MYO3B: variants seen among roughly 807,000 people sequenced by gnomAD.
The protein encoded by MYO3B is myosin-IIIb.
In MYO3B, 156 loss-of-function variants were observed where a neutral mutation model predicts 174.6. The observed-to-expected ratio is 0.89, with a 90% CI of 0.78 to 1.02. The LOEUF (loss-of-function observed/expected upper bound fraction) is 1.02. Among genes scored for constraint, MYO3B ranks in the 50% least tolerant of loss-of-function variants. The probability of loss-of-function intolerance (pLI) is 0.00; values close to 1 mark genes in which losing one functional copy is unlikely to be tolerated. For synonymous variants in MYO3B, 563 were observed against 569.1 expected (o/e 0.99, Z 0.15); for missense variants, 1,632 against 1,639.4 (o/e 1.00, Z 0.08).
chr2:170,406,521 T>G (rs2105811163), intron 21 of MYO3B, among the ~76,000 whole-genome samples: 1 of 152,292 alleles, frequency 6.6e-6, no homozygotes, highest in South Asian at 2.1e-4. Context: ...GTTTTTGCCC[T>G]TAAATATTTT....
chr2:170,514,749 T>C (rs927720914), intron 28 of MYO3B, among the ~76,000 whole-genome samples, 172 bp from the exon 29 acceptor site: 1 of 152,218 alleles, frequency 6.6e-6, no homozygotes, highest in African/African-American at 2.4e-5. Flanking sequence ...TCAACTACAC[T>C]GTATTAAATC....
intron 7 of MYO3B, among the ~76,000 whole-genome samples, chr2:170,282,114 A>G (rs1212530577): frequency 2.0e-5 from 3 of 151,926 alleles, no homozygotes; most frequent in Admixed American, 6.6e-5. Context: ...ATATCTTCCC[A>G]TTTGTCTACT....
chr2:170,184,039 TTTATG>T (rs1214800579), intron 1 of MYO3B, among the ~76,000 whole-genome samples: 1 of 152,068 alleles, frequency 6.6e-6, no homozygotes, highest in African/African-American at 2.4e-5. Context: ...TTTCTGTGGT[TTTATG>T]TTTGTTTATT....
intron 32 of MYO3B, among the ~76,000 whole-genome samples, chr2:170,628,348 G>A (rs564436320): frequency 6.6e-6 from 1 of 152,216 alleles, no homozygotes; most frequent in Non-Finnish European, 1.5e-5. Context: ...CTCTGAGCCA[G>A]GCGCAGGATA....
At chr2:170,301,256 G>T (rs1364517950) in intron 7 of MYO3B, among the ~76,000 whole-genome samples, 1 of 152,188 alleles carries the variant, frequency 6.6e-6, no homozygotes, top group East Asian at 1.9e-4. Context: ...CTAGTTAAAA[G>T]TATCCTAGTT....
intron 30 of MYO3B, among the ~76,000 whole-genome samples, chr2:170,541,311 C>A (rs1425910697): frequency 6.6e-6 from 1 of 152,192 alleles, no homozygotes; most frequent in African/African-American, 2.4e-5. Flanking sequence ...GCTACTGGGA[C>A]TTGCCTAGGC....
At chr2:170,225,296 T>G (rs1397320199) in intron 6 of MYO3B, among the ~76,000 whole-genome samples, 1 of 152,208 alleles carries the variant, frequency 6.6e-6, no homozygotes, top group African/African-American at 2.4e-5. Flanking sequence ...TTGGACAAGT[T>G]ATTAGGTGAT....
At chr2:170,395,039 C>T (rs969152182) in intron 16 of MYO3B, among the ~76,000 whole-genome samples, 3 of 152,190 alleles carry the variant, frequency 2.0e-5, no homozygotes, top group African/African-American at 7.2e-5. Flanking sequence ...TTTTCTCAAA[C>T]CCTTACAGCA....
intron 8 of MYO3B, chr2:170,348,029 G>A (rs2094030580): frequency 6.6e-6 from 1 of 152,192 alleles, no homozygotes; most frequent in Non-Finnish European, 1.5e-5. Flanking sequence ...TTGGCCAGGT[G>A]CAGTGGTTCA....
intron 7 of MYO3B, among the ~76,000 whole-genome samples, chr2:170,295,020 A>G (rs2093620528): frequency 6.6e-6 from 1 of 152,052 alleles, no homozygotes; most frequent in South Asian, 2.1e-4. Context: ...AATTCTTTCA[A>G]TTTTTAAAAG....
chr2:170,540,784 A>C (rs1690048589), intron 30 of MYO3B, among the ~76,000 whole-genome samples: 1 of 152,220 alleles, frequency 6.6e-6, no homozygotes. Context: ...GTGTTCTAAG[A>C]ATCAGTAGTG....
intron 32 of MYO3B, among the ~76,000 whole-genome samples, chr2:170,619,532 T>A (rs553659408): frequency 9.8e-4 from 149 of 152,092 alleles, no homozygotes; most frequent in Non-Finnish European, 1.7e-3. Flanking sequence ...TCATGTGAAG[T>A]CTCAGTTTGG....
chr2:170,306,160 T>C (rs2093699452), intron 7 of MYO3B, among the ~76,000 whole-genome samples: 1 of 152,144 alleles, frequency 6.6e-6, no homozygotes, highest in Non-Finnish European at 1.5e-5. Flanking sequence ...AGCGGGATAG[T>C]TGGACTTACA....
At chr2:170,312,648 A>G (rs2093747750) in intron 7 of MYO3B, among the ~76,000 whole-genome samples, 2 of 152,236 alleles carry the variant, frequency 1.3e-5, no homozygotes, top group African/African-American at 4.8e-5. Context: ...AGGAATAGAA[A>G]TGTTTATTTT....
intron 30 of MYO3B, among the ~76,000 whole-genome samples, chr2:170,531,290 C>T (rs1031868631): frequency 6.6e-6 from 1 of 152,166 alleles, no homozygotes; most frequent in African/African-American, 2.4e-5. Context: ...TAGCTACCCT[C>T]AGGAATAGTG....
At chr2:170,481,369 G>A (rs1427627120) in intron 25 of MYO3B, among the ~76,000 whole-genome samples, 2 of 152,148 alleles carry the variant, frequency 1.3e-5, no homozygotes, top group East Asian at 3.9e-4. Context: ...TGGATCACTT[G>A]AGCCCAGTCA....
intron 6 of MYO3B, among the ~76,000 whole-genome samples, chr2:170,223,442 G>T (rs1377359459): frequency 6.6e-6 from 1 of 152,110 alleles, no homozygotes; most frequent in Non-Finnish European, 1.5e-5. Context: ...AGTGCCACTC[G>T]GGCATGATTA....
intron 25 of MYO3B, among the ~76,000 whole-genome samples, chr2:170,480,263 A>G (rs1268207098): frequency 2.0e-5 from 3 of 152,126 alleles, no homozygotes; most frequent in Admixed American, 6.5e-5. Context: ...ATTGTGGGTC[A>G]TAAGACCCTC....
intron 7 of MYO3B, among the ~76,000 whole-genome samples, chr2:170,285,801 T>C (rs2093551745): frequency 1.4e-5 from 1 of 70,546 alleles, no homozygotes; most frequent in African/African-American, 4.7e-5. Flanking sequence ...AGTCATAATG[T>C]TGTATTTTTT....
Sources: gnomAD v4.1 joint callset for allele counts (sites outside exome capture counted in the v4.1 genomes callset) on GRCh38, gnomAD v4.1.1 for gene constraint, MANE v1.5 for transcripts, NCBI Gene and HGNC (gene_info 2026-07-23, HGNC 2026-07-21) for gene names.